Variants in CCDC66 observed in about 807,000 individuals in gnomAD.
CCDC66 encodes coiled-coil domain-containing protein 66.
In CCDC66, 133 loss-of-function variants were observed where a neutral mutation model predicts 128.3. The observed-to-expected ratio is 1.04, with a 90% CI of 0.90 to 1.20. The LOEUF (loss-of-function observed/expected upper bound fraction) is 1.20, where lower values mean the gene tolerates loss of function less well. CCDC66 is among the 50% of genes most tolerant of loss of function. The pLI, the probability that CCDC66 is intolerant of heterozygous loss-of-function variation, is 0.00. For missense variants in CCDC66, 1,126 were observed against 1,075.5 expected (o/e 1.05, Z -0.66); for synonymous variants, 387 against 357.0 (o/e 1.08, Z -0.95).
chr3:56,608,343 TTTAAGC>T (rs1444936821), intron 10 of CCDC66, among the ~76,000 whole-genome samples: 2 of 152,232 alleles, frequency 1.3e-5, no homozygotes, highest in African/African-American at 4.8e-5. Context: ...CTAATTCTGA[TTTAAGC>T]TAGGAGGGTT....
chr3:56,574,806 A>G (rs2067141889), intron 7 of CCDC66, among the ~76,000 whole-genome samples: 2 of 151,808 alleles, frequency 1.3e-5, no homozygotes, highest in Admixed American at 6.6e-5. Flanking sequence ...CTCAGCCTCT[A>G]ACTGGCTTAT....
chr3:56,580,452 A>G (rs202114979), intron 7 of CCDC66, among the ~76,000 whole-genome samples: 1 of 151,800 alleles, frequency 6.6e-6, no homozygotes, highest in Non-Finnish European at 1.5e-5. Context: ...TCCTGTCATT[A>G]TGATGTTAGC....
chr3:56,599,388 G>A (rs1359846275), intron 10 of CCDC66, among the ~76,000 whole-genome samples: 6 of 151,862 alleles, frequency 4.0e-5, no homozygotes, highest in Non-Finnish European at 7.4e-5. Context: ...TTTGTATTGT[G>A]TGTCTCTATT....
rs978503150 is a variant in CCDC66 at position 56,593,802 on chromosome 3, G to A, written c.1319+61G>A. 59 of 1,592,054 alleles carry A rather than the reference G, an allele frequency of 3.7e-5. No individual in the cohort carries two copies. In the South Asian group the frequency reaches 5.8e-4, roughly 16 times the overall value. Reference sequence around the variant, plus strand: ...AAAGTCTGTGTGCTTTAGTAAGACTGTTGTTATGTCTAATTGGTTTCAGGT... The same window carrying A: ...AAAGTCTGTGTGCTTTAGTAAGACTATTGTTATGTCTAATTGGTTTCAGGT... On this transcript the variant is annotated intron_variant, in intron 9 of 17. Coordinates refer to ENST00000394672, the MANE Select transcript of CCDC66 (RefSeq NM_001141947.3).
intron 10 of CCDC66, among the ~76,000 whole-genome samples, chr3:56,602,681 GTCT>G (rs1304460678): frequency 2.6e-5 from 4 of 151,692 alleles, no homozygotes; most frequent in South Asian, 2.1e-4. Context: ...TCAGGGATTC[GTCT>G]TCTTCTTGGT....
At chr3:56,602,035 C>T (rs1295371515) in intron 10 of CCDC66, among the ~76,000 whole-genome samples, 1 of 152,040 alleles carries the variant, frequency 6.6e-6, no homozygotes, top group African/African-American at 2.4e-5. Flanking sequence ...AGAGGGCATC[C>T]TTGCCTTTTG....
Position 56,583,452 on chromosome 3 carries a change from C to T in CCDC66, c.937-9518C>T, listed in dbSNP as rs4061064. ...CTAGGCAGAGGACCCTGCGGCCTTC[C>T]GCAGTGTTTGTGTCCCTGGGTACTT... On this transcript the variant is annotated intron_variant, in intron 7 of 17. Transcript: ENST00000394672. Among the ~76,000 whole-genome samples the T allele has an allele frequency of 9.4e-3, 1,431 of 151,934 alleles. 33 individuals are homozygous for T. Among genetic ancestry groups the T allele is most frequent in the African/African-American group, 0.031 (1,304 of 41,514 alleles).
chr3:56,619,689 A>G (rs1578108791), intron 16 of CCDC66, 88 bp from the exon 17 acceptor site: 2 of 1,518,032 alleles, frequency 1.3e-6, no homozygotes, highest in South Asian at 1.3e-5. Context: ...CATACTTATT[A>G]TAATGACTCC....
chr3:56,564,166 AAT>A, intron 4 of CCDC66, 41 bp downstream of exon 4: 1 of 1,478,160 alleles, frequency 6.8e-7, no homozygotes, highest in Non-Finnish European at 9.2e-7. Flanking sequence ...TGATTTTTTC[AAT>A]ATGTGTTTTA....
rs1378841892 is a variant in CCDC66 at position 56,619,558 on chromosome 3, A to G, written c.2635+31A>G. 4 of 1,544,836 alleles carry G rather than the reference A, an allele frequency of 2.6e-6. No individual in the cohort carries two copies. The African/African-American group carries it at 4.9e-5, about 19-fold the overall frequency. ...TAAATATTAAGCATTCTAACTGTAAAAATTGAAGACCCATGTAAACCCCGT... is the reference window on the plus strand; with the variant it reads ...TAAATATTAAGCATTCTAACTGTAAGAATTGAAGACCCATGTAAACCCCGT... On this transcript the variant is annotated intron_variant, in intron 16 of 17. Transcript: ENST00000394672.
At chr3:56,568,923 C>T (rs115900282) in intron 6 of CCDC66, among the ~76,000 whole-genome samples, 1,857 of 152,312 alleles carry the variant, frequency 0.012, 47 homozygotes, top group African/African-American at 0.042. Flanking sequence ...AAACATGTGA[C>T]GTAACAGTTG....
intron 4 of CCDC66, among the ~76,000 whole-genome samples, chr3:56,566,051 A>G (rs1305937303): frequency 1.3e-5 from 2 of 152,168 alleles, no homozygotes; most frequent in Non-Finnish European, 2.9e-5. Context: ...ATTTGATATA[A>G]GAAATTGTAT....
At chr3:56,607,916 T>G (rs1309623274) in intron 10 of CCDC66, among the ~76,000 whole-genome samples, 5 of 152,234 alleles carry the variant, frequency 3.3e-5, no homozygotes, top group African/African-American at 1.2e-4. Flanking sequence ...TTGTTCTTAA[T>G]TCTGTTTATG....
In CCDC66 at chr3:56,615,155, C is replaced by T. The variant is rs1217848609; in HGVS notation, c.1594C>T (p.Leu532=). 1 of 1,613,688 alleles carries T rather than the reference C, an allele frequency of 6.2e-7. No homozygotes were observed. Among genetic ancestry groups the T allele is most frequent in the East Asian group, 2.2e-5 (1 of 44,846 alleles). Residue 532 remains leucine (L), a synonymous_variant, in exon 12 of 18, where the codon CTA becomes TTA. Coordinates refer to ENST00000394672, the MANE Select transcript of CCDC66 (RefSeq NM_001141947.3). The part of the protein sequence containing the change: ...EEIMTLKTNE[L]FQTMQRAQEL... ...AATCATGACTCTCAAGACAAATGAG[C>T]TATTCCAGACAATGCAGCGAGCACA...
At chr3:56,601,979 T>A (rs2073247171) in intron 10 of CCDC66, among the ~76,000 whole-genome samples, 2 of 152,110 alleles carry the variant, frequency 1.3e-5, no homozygotes, top group South Asian at 4.1e-4. Context: ...CATGCCTGAT[T>A]GCCTTGGCCA....
At chr3:56,619,156 T>C in intron 15 of CCDC66, 115 bp from the exon 16 acceptor site, 1 of 862,264 alleles carries the variant, frequency 1.2e-6, no homozygotes, top group Non-Finnish European at 1.7e-6. Context: ...ATCGCGCCAC[T>C]GCACTCCAGC....
chr3:56,569,386 G>T (rs1191645473), intron 6 of CCDC66: 2 of 303,678 alleles, frequency 6.6e-6, no homozygotes, highest in South Asian at 2.9e-5. Context: ...TTTTACTCAC[G>T]GTGGAAGGCA....
intron 7 of CCDC66, among the ~76,000 whole-genome samples, chr3:56,586,388 G>A (rs1233798545): frequency 2.6e-5 from 4 of 151,062 alleles, no homozygotes; most frequent in Admixed American, 6.7e-5. Flanking sequence ...AAAATTAGCC[G>A]GGTGTGGTGG....
chr3:56,572,009 C>A (rs1171630483), intron 7 of CCDC66, among the ~76,000 whole-genome samples: 2 of 152,198 alleles, frequency 1.3e-5, no homozygotes, highest in African/African-American at 4.8e-5. Context: ...GTGTGAGCCA[C>A]TGGGCCTGGC....
Sources: allele counts gnomAD v4.1 joint callset (sites outside exome capture counted in the v4.1 genomes callset), GRCh38; gene constraint gnomAD v4.1.1; transcripts MANE v1.5; gene names NCBI Gene and HGNC (gene_info 2026-07-23, HGNC 2026-07-21).